IL1RAPL2: variants seen among roughly 807,000 people sequenced by gnomAD.
IL1RAPL2 encodes interleukin 1 receptor accessory protein like 2, also known as X-linked interleukin-1 receptor accessory protein-like 2.
IL1RAPL2 carries 3 observed loss-of-function variants against 44.1 expected under a neutral mutation model. The ratio of observed to expected loss-of-function variants is 0.07; its 90% CI spans 0.03 to 0.18. The LOEUF (loss-of-function observed/expected upper bound fraction) is 0.18. IL1RAPL2 is among the 10% of genes least tolerant of loss of function. The pLI is 1.00. For missense variants in IL1RAPL2, 391 were observed against 496.4 expected (o/e 0.79, Z 2.02); for synonymous variants, 181 against 178.8 (o/e 1.01, Z -0.10).
intron 2 of IL1RAPL2, among the ~76,000 whole-genome samples, chrX:104,998,636 A>G (rs1449699273): frequency 9.1e-6 from 1 of 110,468 alleles, no homozygotes; most frequent in African/African-American, 3.3e-5. Flanking sequence ...AACCAGGCAT[A>G]GTAGCACACA....
intron 5 of IL1RAPL2, among the ~76,000 whole-genome samples, chrX:105,344,725 G>A (rs769560549): frequency 2.7e-5 from 3 of 111,573 alleles, no homozygotes; most frequent in African/African-American, 9.7e-5. Context: ...ATATGTATAC[G>A]TTATTCTCTG....
intron 2 of IL1RAPL2, among the ~76,000 whole-genome samples, chrX:104,786,200 G>A (rs996856572): frequency 5.4e-5 from 6 of 111,614 alleles, no homozygotes; most frequent in Admixed American, 9.5e-5. Flanking sequence ...CTCAGCTCAG[G>A]CACTGGTAAG....
rs753701669 is a variant in IL1RAPL2, at chrX:105,511,567, T to C, written c.772+27180T>C. 4.5e-5 allele frequency among the ~76,000 whole-genome samples: 5 copies of C among 111,659 alleles called. No homozygotes were observed. The East Asian group carries it at 1.1e-3, about 26-fold the overall frequency. ...TAATAAATAGCTGGCATTTCATTGG[T>C]CAGCATAAGATGACAGACTGGGACA... On this transcript the variant is annotated intron_variant, in intron 6 of 10. Coordinates refer to ENST00000372582, the MANE Select transcript of IL1RAPL2 (RefSeq NM_017416.2).
intron 2 of IL1RAPL2, among the ~76,000 whole-genome samples, chrX:104,884,920 C>A (rs2147660785): frequency 9.0e-6 from 1 of 111,044 alleles, no homozygotes; most frequent in South Asian, 3.9e-4. Flanking sequence ...ACCACAAAAA[C>A]CCCCAGGCTA....
intron 6 of IL1RAPL2, among the ~76,000 whole-genome samples, chrX:105,553,766 C>T (rs897214414): frequency 1.8e-5 from 2 of 112,032 alleles, no homozygotes; most frequent in Non-Finnish European, 3.8e-5. Context: ...CTTGTAGCAG[C>T]CCCAACCAGA....
intron 3 of IL1RAPL2, chrX:105,219,706 G>T: frequency 8.3e-7 from 1 of 1,208,172 alleles, no homozygotes; most frequent in Non-Finnish European, 1.1e-6. Flanking sequence ...TCCGGCAGTG[G>T]CCAGGCCTGG....
chrX:105,283,036 A>G (rs1389730247), intron 5 of IL1RAPL2, among the ~76,000 whole-genome samples: 1 of 111,539 alleles, frequency 9.0e-6, no homozygotes, highest in Admixed American at 9.6e-5. Flanking sequence ...TATGAGGTGA[A>G]AGGTAAAAAG....
intron 2 of IL1RAPL2, among the ~76,000 whole-genome samples, chrX:104,748,614 C>T (rs1050321172): frequency 4.5e-5 from 5 of 111,306 alleles, no homozygotes; most frequent in Non-Finnish European, 7.6e-5. Flanking sequence ...AGCCAAACTT[C>T]CCATGGGAAG....
intron 2 of IL1RAPL2, among the ~76,000 whole-genome samples, chrX:104,908,727 G>A (rs1272294208): frequency 1.8e-5 from 2 of 109,368 alleles, no homozygotes. Context: ...CTCTCTGGCT[G>A]CCCTTAACAT....
chrX:105,692,147 A>T (rs1255257215), intron 6 of IL1RAPL2, among the ~76,000 whole-genome samples: 2 of 112,087 alleles, frequency 1.8e-5, no homozygotes, highest in Non-Finnish European at 3.8e-5. Flanking sequence ...CCTCATAGAT[A>T]GTAGAGTTAA....
intron 6 of IL1RAPL2, among the ~76,000 whole-genome samples, chrX:105,561,801 T>C (rs2036939664): frequency 9.0e-6 from 1 of 111,649 alleles, no homozygotes; most frequent in Non-Finnish European, 1.9e-5. Flanking sequence ...TTCTTAAAAA[T>C]AATATGGCTA....
At chrX:104,899,128 C>G (rs1923741707) in intron 2 of IL1RAPL2, among the ~76,000 whole-genome samples, 1 of 111,457 alleles carries the variant, frequency 9.0e-6, no homozygotes, top group South Asian at 3.7e-4. Flanking sequence ...TGCAATCGGC[C>G]TATTATAGAT....
At chrX:105,270,030 G>A (rs2034434904) in intron 5 of IL1RAPL2, among the ~76,000 whole-genome samples, 1 of 111,598 alleles carries the variant, frequency 9.0e-6, no homozygotes, top group African/African-American at 3.3e-5. Context: ...ACCTCGCAGA[G>A]GATCTCAAAA....
intron 2 of IL1RAPL2, among the ~76,000 whole-genome samples, chrX:104,946,379 CAAAAAAAAAA>C (rs1157603029): frequency 8.8e-4 from 8 of 9,137 alleles, no homozygotes; most frequent in East Asian, 6.4e-3. Context: ...GACTCCGTCT[CAAAAAAAAAA>C]AAAAAAAAAA....
chrX:105,499,896 T>A (rs2036381068), intron 6 of IL1RAPL2, among the ~76,000 whole-genome samples: 1 of 111,929 alleles, frequency 8.9e-6, no homozygotes, highest in African/African-American at 3.2e-5. Context: ...CAATTTCACT[T>A]CTGAATATTT....
At chrX:105,010,384 GA>G (rs772127282) in intron 2 of IL1RAPL2, among the ~76,000 whole-genome samples, 173 of 111,329 alleles carry the variant, frequency 1.6e-3, no homozygotes, top group African/African-American at 5.4e-3. Flanking sequence ...TTTTTTTACA[GA>G]TACAGTTTTG....
rs932800849 is a variant in IL1RAPL2 at position 105,751,129 on chromosome X, T to C, written c.1192+2026T>C. Among the ~76,000 whole-genome samples, 11 of 110,025 alleles carry C rather than the reference T, an allele frequency of 1.0e-4. No individual in the cohort carries two copies. In the East Asian group the frequency reaches 2.0e-3, roughly 20 times the overall value. ...CAAAAATTAGTTTAAAAAATATTAG[T>C]TGGGCATGGTGGTGCATGCCTTTGG... On this transcript the variant is annotated intron_variant, in intron 9 of 10. Coordinates refer to ENST00000372582, the MANE Select transcript of IL1RAPL2 (RefSeq NM_017416.2).
intron 2 of IL1RAPL2, among the ~76,000 whole-genome samples, chrX:104,747,897 T>C (rs1298705363): frequency 8.9e-6 from 1 of 111,757 alleles, no homozygotes. Context: ...CAGCAGGCCC[T>C]GAGAAAAGTT....
intron 2 of IL1RAPL2, among the ~76,000 whole-genome samples, chrX:104,927,575 C>A (rs1924802403): frequency 9.0e-6 from 1 of 111,510 alleles, no homozygotes; most frequent in African/African-American, 3.3e-5. Context: ...ATTTTTCCCA[C>A]CTTTCTTTCC....
Sources: gnomAD v4.1 joint callset for allele counts (sites outside exome capture counted in the v4.1 genomes callset) on GRCh38, gnomAD v4.1.1 for gene constraint, MANE v1.5 for transcripts, NCBI Gene and HGNC (gene_info 2026-07-23, HGNC 2026-07-21) for gene names.